Variants in PRKG1 observed in about 807,000 individuals in gnomAD.
The protein encoded by PRKG1 is cGMP-dependent protein kinase 1.
A neutral mutation model predicts 88.1 loss-of-function variants in PRKG1; 35 were observed. The ratio of observed to expected loss-of-function variants is 0.40; its 90% CI spans 0.30 to 0.53. The LOEUF (loss-of-function observed/expected upper bound fraction) is 0.53, where lower values mean the gene tolerates loss of function less well. PRKG1 is among the 20% of genes least tolerant of loss of function. The pLI, the probability that PRKG1 is intolerant of heterozygous loss-of-function variation, is 0.59. For missense variants in PRKG1, 540 were observed against 839.8 expected (o/e 0.64, Z 4.41); for synonymous variants, 303 against 292.5 (o/e 1.04, Z -0.37).
At chr10:52,212,770 G>A (rs1484462811) in intron 9 of PRKG1, among the ~76,000 whole-genome samples, 2 of 152,106 alleles carry the variant, frequency 1.3e-5, no homozygotes, top group South Asian at 4.1e-4. Context: ...TTTTTATTAT[G>A]CTTTAACTGG....
intron 3 of PRKG1, among the ~76,000 whole-genome samples, chr10:51,549,770 G>C (rs977992653): frequency 6.6e-6 from 1 of 152,050 alleles, no homozygotes; most frequent in African/African-American, 2.4e-5. Context: ...CTAAGGTTTT[G>C]CCAGTTTATG....
At chr10:51,139,578 G>A (rs1387277109) in intron 1 of PRKG1, among the ~76,000 whole-genome samples, 1 of 152,164 alleles carries the variant, frequency 6.6e-6, no homozygotes, top group East Asian at 1.9e-4. Context: ...AACAACCAAT[G>A]TCTATTCAGT....
At chr10:52,091,219 T>C (rs1847049226) in intron 7 of PRKG1, among the ~76,000 whole-genome samples, 1 of 152,204 alleles carries the variant, frequency 6.6e-6, no homozygotes, top group Non-Finnish European at 1.5e-5. Context: ...AGGCCCCCCT[T>C]TTCTTGTCAA....
At chr10:51,422,134 G>T (rs1838433767) in intron 2 of PRKG1, among the ~76,000 whole-genome samples, 1 of 152,190 alleles carries the variant, frequency 6.6e-6, no homozygotes, top group Non-Finnish European at 1.5e-5. Flanking sequence ...TTTAAAAGTT[G>T]TCATGAAGGA....
chr10:52,065,823 G>A (rs1225806874), intron 7 of PRKG1, among the ~76,000 whole-genome samples: 1 of 152,016 alleles, frequency 6.6e-6, no homozygotes, highest in Non-Finnish European at 1.5e-5. Context: ...GTCAAAAGAT[G>A]GCATTTTATA....
chr10:51,112,151 G>A (rs74131746), intron 1 of PRKG1, among the ~76,000 whole-genome samples: 5,112 of 152,210 alleles, frequency 0.034, 214 homozygotes, highest in African/African-American at 0.099. Flanking sequence ...CTGGGTGAAG[G>A]AGTTCTGGCA....
At chr10:51,984,888 A>T (rs1402405609) in intron 5 of PRKG1, among the ~76,000 whole-genome samples, 1 of 152,202 alleles carries the variant, frequency 6.6e-6, no homozygotes, top group Non-Finnish European at 1.5e-5. Flanking sequence ...AGGTCATGAC[A>T]GTAAAGTTAA....
chr10:51,125,909 T>A (rs1200917844), intron 1 of PRKG1, among the ~76,000 whole-genome samples: 8 of 135,104 alleles, frequency 5.9e-5, no homozygotes, highest in African/African-American at 8.3e-5. Context: ...AAAAAGTGTG[T>A]AATTTATAAA....
At chr10:51,048,644 A>C (rs2132766200) in intron 1 of PRKG1, among the ~76,000 whole-genome samples, 3 of 152,326 alleles carry the variant, frequency 2.0e-5, no homozygotes, top group Admixed American at 2.0e-4. Context: ...GGGAACTACT[A>C]GTCTTTGGTT....
At chr10:51,344,172 G>T (rs967020985) in intron 2 of PRKG1, among the ~76,000 whole-genome samples, 1 of 152,150 alleles carries the variant, frequency 6.6e-6, no homozygotes, top group African/African-American at 2.4e-5. Flanking sequence ...TTCTGGGGAG[G>T]CCTCAGGAAA....
At chr10:52,038,704 G>A (rs544877749) in intron 5 of PRKG1, among the ~76,000 whole-genome samples, 4 of 152,196 alleles carry the variant, frequency 2.6e-5, no homozygotes, top group South Asian at 2.1e-4. Context: ...GCGTCCCTGC[G>A]TGGTCTGACA....
chr10:51,735,477 C>G (rs1837240968), intron 3 of PRKG1, among the ~76,000 whole-genome samples: 1 of 151,936 alleles, frequency 6.6e-6, no homozygotes, highest in Admixed American at 6.6e-5. Context: ...TTTCATGGTT[C>G]CCAGAAGGGA....
At chr10:51,334,185 T>A (rs1841814699) in intron 2 of PRKG1, among the ~76,000 whole-genome samples, 1 of 108,194 alleles carries the variant, frequency 9.2e-6, no homozygotes, top group Admixed American at 9.1e-5. Flanking sequence ...TCTCTCTCTC[T>A]CTCTCTCACT....
chr10:51,008,847 T>C (rs1221424585), intron 1 of PRKG1, among the ~76,000 whole-genome samples: 1 of 152,246 alleles, frequency 6.6e-6, no homozygotes, highest in Non-Finnish European at 1.5e-5. Context: ...GTATTTATGA[T>C]ACAAGGTTTT....
intron 3 of PRKG1, among the ~76,000 whole-genome samples, chr10:51,501,790 CTTTTTTT>C (rs5784871): frequency 4.4e-5 from 5 of 113,768 alleles, no homozygotes; most frequent in Admixed American, 9.7e-5. Flanking sequence ...ACTTTAGTTT[CTTTTTTT>C]TTTTTTTTTT....
chr10:51,353,885 T>TGGGAGCAACCTAA (rs71029362), intron 2 of PRKG1, among the ~76,000 whole-genome samples: 150,296 of 152,164 alleles, frequency 0.99, 74,229 homozygotes, highest in East Asian at 1. Context: ...AGCCAAGATT[T>TGGGAGCAACCTAA]GTGTTCATCA....
rs371851638 is a variant in PRKG1 at position 51,358,487 on chromosome 10, A to G, written c.479-109236A>G. On this transcript the variant is annotated intron_variant, in intron 2 of 17. Transcript: ENST00000373980. ...TAAGACCAGGCAGTCTGGAATATAT[A>G]CTGGTGAATCTGTCTTTAGAAAATA... Among the ~76,000 whole-genome samples, 3 of 152,048 alleles carry G rather than the reference A, an allele frequency of 2.0e-5. No individual in the cohort carries two copies. The East Asian group carries it at 5.8e-4, about 30-fold the overall frequency.
At chr10:51,719,189 A>T (rs936509620) in intron 3 of PRKG1, among the ~76,000 whole-genome samples, 1 of 151,862 alleles carries the variant, frequency 6.6e-6, no homozygotes, top group African/African-American at 2.4e-5. Context: ...TCCAAGCAGT[A>T]AATATAGATC....
intron 5 of PRKG1, among the ~76,000 whole-genome samples, chr10:52,053,393 T>C (rs1354197003): frequency 2.6e-5 from 4 of 152,212 alleles, no homozygotes; most frequent in African/African-American, 9.6e-5. Flanking sequence ...CTTAGCACTT[T>C]ATGTGTTAAG....
Sources: gnomAD v4.1 joint callset for allele counts (sites outside exome capture counted in the v4.1 genomes callset) on GRCh38, gnomAD v4.1.1 for gene constraint, MANE v1.5 for transcripts, NCBI Gene and HGNC (gene_info 2026-07-23, HGNC 2026-07-21) for gene names.